MACROD2: variants seen among roughly 807,000 people sequenced by gnomAD.
The protein encoded by MACROD2 is mono-ADP ribosylhydrolase 2.
MACROD2 carries 36 observed loss-of-function variants against 70.4 expected under a neutral mutation model. The ratio of observed to expected loss-of-function variants is 0.51; its 90% CI spans 0.39 to 0.68. The LOEUF (loss-of-function observed/expected upper bound fraction) is 0.68. Ranked by LOEUF, MACROD2 falls within the 30% of genes least tolerant of loss-of-function variation. The pLI is 0.00. For missense variants in MACROD2, 496 were observed against 538.4 expected (o/e 0.92, Z 0.78); for synonymous variants, 172 against 178.8 (o/e 0.96, Z 0.30).
chr20:15,840,231 G>A (rs1207170717), intron 8 of MACROD2, among the ~76,000 whole-genome samples: 2 of 152,148 alleles, frequency 1.3e-5, no homozygotes, highest in Admixed American at 6.6e-5. Flanking sequence ...TCTATCCAGC[G>A]AGGACAATAA....
intron 11 of MACROD2, 65 bp downstream of exon 11, chr20:15,933,403 C>T: frequency 7.0e-7 from 1 of 1,424,898 alleles, no homozygotes; most frequent in East Asian, 2.3e-5. Flanking sequence ...AGTAACTTCA[C>T]TCAATGCTAT....
At chr20:14,716,022 T>C (rs2071393309) in intron 5 of MACROD2, among the ~76,000 whole-genome samples, 1 of 152,176 alleles carries the variant, frequency 6.6e-6, no homozygotes. Context: ...GAAAACTTAC[T>C]CTCCACTCAG....
chr20:15,500,376 A>T (rs1472294178), intron 8 of MACROD2, among the ~76,000 whole-genome samples: 1 of 152,204 alleles, frequency 6.6e-6, no homozygotes, highest in East Asian at 1.9e-4. Flanking sequence ...TCATCAGAGT[A>T]TTCATCATCC....
intron 8 of MACROD2, among the ~76,000 whole-genome samples, chr20:15,762,047 G>C (rs2051444143): frequency 6.6e-6 from 1 of 152,134 alleles, no homozygotes; most frequent in South Asian, 2.1e-4. Flanking sequence ...ATTTCTATCT[G>C]AAGCATTTAA....
At position 15,588,315 on chromosome 20, in the gene MACROD2, A is replaced by G. The variant is rs1404241750; in HGVS notation, c.645+88468A>G. The stretch of plus-strand genomic sequence containing the variant: ...AATGGGGATCCTGGGCCCAGCCCAC[A>G]AAACCACTTTTTCCTCCCGGGCCTC... On this transcript the variant is annotated intron_variant, in intron 8 of 17. Transcript: ENST00000684519. 2.0e-5 allele frequency among the ~76,000 whole-genome samples: 3 copies of G among 152,308 alleles called. No individual in the cohort carries two copies. The East Asian group carries it at 5.8e-4, about 29-fold the overall frequency.
intron 8 of MACROD2, among the ~76,000 whole-genome samples, chr20:15,759,166 A>AAAAC (rs1568544808): frequency 1.3e-5 from 2 of 150,788 alleles, no homozygotes; most frequent in Admixed American, 6.6e-5. Flanking sequence ...AAAAAAAAAA[A>AAAAC]CAGAAATGGA....
intron 7 of MACROD2, among the ~76,000 whole-genome samples, chr20:15,459,543 A>C (rs1008310611): frequency 6.6e-6 from 1 of 152,134 alleles, no homozygotes; most frequent in Non-Finnish European, 1.5e-5. Context: ...ATAATTATCC[A>C]AGAAGGTTTC....
chr20:15,774,212 C>G (rs1234932108), intron 8 of MACROD2, among the ~76,000 whole-genome samples: 1 of 152,024 alleles, frequency 6.6e-6, no homozygotes, highest in African/African-American at 2.4e-5. Context: ...TAACTGGTGC[C>G]TAAAGGGAGC....
At chr20:14,953,302 T>A (rs112809152) in intron 5 of MACROD2, among the ~76,000 whole-genome samples, 14 of 152,200 alleles carry the variant, frequency 9.2e-5, no homozygotes, top group South Asian at 2.1e-4. Flanking sequence ...GTTTTTAATT[T>A]TTTATTTATT....
chr20:15,626,175 C>T (rs2049200157), intron 8 of MACROD2, among the ~76,000 whole-genome samples: 1 of 152,092 alleles, frequency 6.6e-6, no homozygotes, highest in Non-Finnish European at 1.5e-5. Flanking sequence ...TGGAAGAAAT[C>T]TTCACTGGAA....
intron 8 of MACROD2, among the ~76,000 whole-genome samples, chr20:15,671,990 A>G (rs1333995477): frequency 6.6e-6 from 1 of 152,200 alleles, no homozygotes; most frequent in Non-Finnish European, 1.5e-5. Flanking sequence ...GCAGAGATGT[A>G]AAGACTGGTT....
At chr20:15,152,789 T>A (rs976206963) in intron 5 of MACROD2, among the ~76,000 whole-genome samples, 16 of 152,042 alleles carry the variant, frequency 1.1e-4, no homozygotes, top group African/African-American at 3.1e-4. Flanking sequence ...CTGCAATGAT[T>A]AAACACCAAG....
At chr20:14,985,029 C>T (rs552818557) in intron 5 of MACROD2, among the ~76,000 whole-genome samples, 26 of 152,278 alleles carry the variant, frequency 1.7e-4, no homozygotes, top group South Asian at 1.2e-3. Context: ...GTACTTCACA[C>T]GGCCATTCTG....
intron 4 of MACROD2, among the ~76,000 whole-genome samples, chr20:14,675,033 A>T (rs2070842540): frequency 6.6e-6 from 1 of 152,160 alleles, no homozygotes. Flanking sequence ...TTAGAAAATC[A>T]TCTTTGTAAG....
At chr20:15,794,456 T>C (rs973355724) in intron 8 of MACROD2, among the ~76,000 whole-genome samples, 17 of 152,204 alleles carry the variant, frequency 1.1e-4, no homozygotes, top group African/African-American at 3.9e-4. Context: ...AAACAGGCAT[T>C]GCACTAGACC....
intron 3 of MACROD2, among the ~76,000 whole-genome samples, chr20:14,234,935 C>T (rs1175197403): frequency 6.6e-6 from 1 of 152,032 alleles, no homozygotes; most frequent in Non-Finnish European, 1.5e-5. Flanking sequence ...ATTAATGAAC[C>T]GTTTATTATG....
chr20:14,495,716 G>T (rs1344262237), intron 4 of MACROD2, among the ~76,000 whole-genome samples: 1 of 152,104 alleles, frequency 6.6e-6, no homozygotes. Flanking sequence ...TCTGTGAGAA[G>T]ATTTATGAAT....
At chr20:15,061,457 T>C (rs1214911932) in intron 5 of MACROD2, among the ~76,000 whole-genome samples, 2 of 152,172 alleles carry the variant, frequency 1.3e-5, no homozygotes, top group Non-Finnish European at 2.9e-5. Flanking sequence ...TCTAGTAGCC[T>C]GCAGTGGTAA....
chr20:14,826,076 G>C (rs1229909537), intron 5 of MACROD2, among the ~76,000 whole-genome samples: 1 of 152,104 alleles, frequency 6.6e-6, no homozygotes, highest in Non-Finnish European at 1.5e-5. Flanking sequence ...GGTTTTGCTA[G>C]AGACAATAAA....
Sources: allele counts gnomAD v4.1 joint callset (sites outside exome capture counted in the v4.1 genomes callset), GRCh38; gene constraint gnomAD v4.1.1; transcripts MANE v1.5; gene names NCBI Gene and HGNC (gene_info 2026-07-23, HGNC 2026-07-21).